PTPRU: variants seen among roughly 807,000 people sequenced by gnomAD.
PTPRU encodes receptor-type tyrosine-protein phosphatase U.
In PTPRU, 69 loss-of-function variants were observed where a neutral mutation model predicts 166.3. That is an observed-to-expected ratio of 0.41 (90% confidence interval 0.34 to 0.51). The LOEUF is 0.51. Ranked by LOEUF, PTPRU falls within the 20% of genes least tolerant of loss-of-function variation. The probability of loss-of-function intolerance (pLI) is 0.09; values close to 1 mark genes in which losing one functional copy is unlikely to be tolerated. For synonymous variants in PTPRU, 793 were observed against 814.0 expected (o/e 0.97, Z 0.44); for missense variants, 1,657 against 2,013.7 (o/e 0.82, Z 3.39).
chr1:29,284,089 C>G lies in PTPRU; in HGVS notation c.2179+113C>G, dbSNP rs554345620. On this transcript the variant is annotated intron_variant, in intron 13 of 29. Transcript: ENST00000373779. ...GTGGGAGTAGAGGAGGGTGGTTGGG[C>G]AGTCCTGGGGCCAGGAGGGGCTTCC... 2.3e-5 allele frequency: 31 copies of G among 1,361,586 alleles called. No individual in the cohort carries two copies. In the South Asian group the frequency reaches 3.7e-4, roughly 16 times the overall value. The allele number at this position is 1,361,586 out of a possible 1,614,324, so 84.3% of individuals were successfully genotyped here.
At position 29,312,650 on chromosome 1, in the gene PTPRU, C is replaced by T. The variant is rs773671335; in HGVS notation, c.3171C>T (p.Ile1057=). 5 of 1,611,846 alleles carry T rather than the reference C, an allele frequency of 3.1e-6. No individual in the cohort carries two copies. The highest frequency in any genetic ancestry group is 1.3e-5 in the African/African-American group (1 of 74,900). The part of the protein sequence containing the change: ...PYHATGLLAF[I]RRVKASTPPD... Reference sequence around the variant, plus strand: ...ATGCCACGGGGCTGCTGGCTTTCATCCGGCGCGTGAAGGCCTCCACCCCAC... The same window carrying T: ...ATGCCACGGGGCTGCTGGCTTTCATTCGGCGCGTGAAGGCCTCCACCCCAC... Residue 1057 remains isoleucine, a synonymous_variant, in exon 22 of 30, where the codon ATC becomes ATT. Coordinates refer to ENST00000373779, the MANE Select transcript of PTPRU (RefSeq NM_133178.4).
At chr1:29,304,708 C>A in intron 16 of PTPRU, 66 bp from the exon 17 acceptor site, 2 of 1,302,522 alleles carry the variant, frequency 1.5e-6, no homozygotes, top group South Asian at 1.3e-5. Flanking sequence ...ATCATCCCCA[C>A]TGAGGGGAAG....
At chr1:29,296,059 CAGTT>C (rs1686868568) in intron 15 of PTPRU, among the ~76,000 whole-genome samples, 1 of 152,166 alleles carries the variant, frequency 6.6e-6, no homozygotes, top group African/African-American at 2.4e-5. Flanking sequence ...GCTTTCTGAG[CAGTT>C]AAAGGATCTG....
chr1:29,291,835 A>G lies in PTPRU; in HGVS notation c.2319-34A>G. ...CTCTGGGTGCTGTCCAGCCCCACAC[A>G]ATGCCTGTGTCTCCCCTCAACCCCC... On this transcript the variant is annotated intron_variant, in intron 14 of 29. Coordinates refer to ENST00000373779, the MANE Select transcript of PTPRU (RefSeq NM_133178.4). The surrounding 1 kb of genome is among the most constrained non-coding windows in gnomAD (Gnocchi z 4.1). 1.2e-6 allele frequency: 2 copies of G among 1,610,080 alleles called. No individual in the cohort carries two copies. The highest frequency in any genetic ancestry group is 1.7e-6 in the Non-Finnish European group (2 of 1,177,904).
chr1:29,304,967 T>G (rs1274834706), intron 17 of PTPRU, 118 bp downstream of exon 17: 1 of 852,840 alleles, frequency 1.2e-6, no homozygotes, highest in African/African-American at 1.7e-5. Flanking sequence ...TGGCCACCTT[T>G]TATTGAGGGC....
chr1:29,312,651 C>T lies in PTPRU; in HGVS notation c.3172C>T (p.Arg1058Trp), dbSNP rs774239929. The T allele has an allele frequency of 5.6e-6, 9 of 1,611,788 alleles. No individual in the cohort carries two copies. The highest frequency in any genetic ancestry group is 6.8e-6 in the Non-Finnish European group (8 of 1,178,566). ...YHATGLLAFI[R>W]RVKASTPPDA... ...TGCCACGGGGCTGCTGGCTTTCATCCGGCGCGTGAAGGCCTCCACCCCACC... is the reference window on the plus strand; with the variant it reads ...TGCCACGGGGCTGCTGGCTTTCATCTGGCGCGTGAAGGCCTCCACCCCACC... The change falls in exon 22 of 30, where the codon CGG (arginine) becomes TGG (tryptophan). Residue 1058 changes from arginine (R) to tryptophan (W), a missense_variant. Around this residue, in one of 3 missense-constraint regions of PTPRU, gnomAD observed 1,190 missense variants for 1,477.4 expected, o/e 0.81. Coordinates refer to ENST00000373779, the MANE Select transcript of PTPRU (RefSeq NM_133178.4).
intron 16 of PTPRU, 118 bp downstream of exon 16, chr1:29,304,163 A>G: frequency 8.3e-7 from 1 of 1,205,092 alleles, no homozygotes; most frequent in Non-Finnish European, 1.1e-6. Flanking sequence ...CTGCTCTGAC[A>G]GTTTCCAACT....
In PTPRU at chr1:29,320,602, T is replaced by C. The variant is rs1481803602; in HGVS notation, c.3688-83T>C. ...CAACCGTCCAACTCAGGGTGGGCAG[T>C]GCGGGAAGACAGCCTGGGGCAGAGG... is the stretch of plus-strand genomic sequence containing the variant. On this transcript the variant is annotated intron_variant, in intron 25 of 29. Coordinates refer to ENST00000373779, the MANE Select transcript of PTPRU (RefSeq NM_133178.4). This position sits in a 1 kb window ranked among gnomAD's most constrained non-coding sequence, Gnocchi z 5.2. 1.4e-6 allele frequency: 2 copies of C among 1,427,922 alleles called. No homozygotes were observed. Among genetic ancestry groups the C allele is most frequent in the Admixed American group, 2.3e-5 (1 of 42,812 alleles). 88.5% of individuals were successfully genotyped at this position (1,427,922 alleles called of 1,614,324 possible). A position where few individuals can be genotyped will look rare whatever the true frequency, so the allele number is the denominator to read the frequency against.
At chr1:29,261,987 A>G (rs1685086283) in intron 7 of PTPRU, among the ~76,000 whole-genome samples, 1 of 152,232 alleles carries the variant, frequency 6.6e-6, no homozygotes, top group Non-Finnish European at 1.5e-5. Flanking sequence ...AGATATTCAC[A>G]TTGATACAAA....
chr1:29,308,585 A>AAAAAAAG (rs1003417351), intron 18 of PTPRU, among the ~76,000 whole-genome samples: 2 of 150,502 alleles, frequency 1.3e-5, no homozygotes, highest in East Asian at 1.9e-4. Flanking sequence ...AAAAAAAAAA[A>AAAAAAAG]AGAGAGAGAG....
chr1:29,323,328 G>A (rs1227104427), intron 26 of PTPRU, 43 bp from the exon 27 acceptor site: 24 of 1,589,184 alleles, frequency 1.5e-5, no homozygotes, highest in African/African-American at 8.1e-5. Flanking sequence ...GTGAGCCCCG[G>A]CCAGGCTCTA....
Position 29,279,345 on chromosome 1 carries a change from C to T in PTPRU, c.1564-111C>T. 1 of 1,264,012 alleles carries T rather than the reference C, an allele frequency of 7.9e-7. No homozygotes were observed. The allele number at this position is 1,264,012 out of a possible 1,614,324, so 78.3% of individuals were successfully genotyped here. A position where few individuals can be genotyped will look rare whatever the true frequency, so the allele number is the denominator to read the frequency against. ...AGCCTGGCTTGATGGCATCCATAGT[C>T]TCCTTTGCTTAGCCTTATCTCTCAC... On this transcript the variant is annotated intron_variant, in intron 9 of 29. Transcript: ENST00000373779. This position sits in a 1 kb window ranked among gnomAD's most constrained non-coding sequence, Gnocchi z 5.2.
intron 24 of PTPRU, among the ~76,000 whole-genome samples, chr1:29,316,566 C>T (rs931490287): frequency 2.6e-5 from 4 of 152,160 alleles, no homozygotes; most frequent in South Asian, 2.1e-4. Context: ...GTCTGAGGAT[C>T]GTGCAGCTTC....
intron 18 of PTPRU, among the ~76,000 whole-genome samples, chr1:29,306,000 C>T (rs374693294): frequency 6.6e-6 from 1 of 152,238 alleles, no homozygotes; most frequent in East Asian, 1.9e-4. Flanking sequence ...AGCACCATGA[C>T]CTCACTTTAC....
chr1:29,259,525 C>T lies in PTPRU; in HGVS notation c.636C>T (p.Ala212=), dbSNP rs200141717. 81 of 1,411,504 alleles carry T rather than the reference C, an allele frequency of 5.7e-5. 1 individual carries two copies. The Middle Eastern group carries it at 1.0e-3, about 18-fold the overall frequency. The allele number at this position is 1,411,504 out of a possible 1,614,324, so 87.4% of individuals were successfully genotyped here. Residue 212 remains alanine (A), a synonymous_variant, in exon 5 of 30, where the codon GCC becomes GCT. Transcript: ENST00000373779. ...AGAACGCGTCGTTCCAGTGCATGGC[C>T]GCGGGCAGAGCGGCCGAGGCCGAAC... ...AGQNASFQCM[A]AGRAAEAERF... is the part of the protein sequence containing the mutation.
intron 7 of PTPRU, among the ~76,000 whole-genome samples, chr1:29,268,110 A>G (rs529801773): frequency 6.6e-6 from 1 of 152,334 alleles, no homozygotes; most frequent in Non-Finnish European, 1.5e-5. Flanking sequence ...CGTGGGTGTC[A>G]TAGATCAGGA....
intron 7 of PTPRU, among the ~76,000 whole-genome samples, chr1:29,269,770 C>T (rs954947361): frequency 6.6e-6 from 1 of 152,150 alleles, no homozygotes; most frequent in South Asian, 2.1e-4. Flanking sequence ...ATCATCCTAG[C>T]CCAACAGCTG....
At chr1:29,242,318 A>C (rs1162555984) in intron 1 of PTPRU, among the ~76,000 whole-genome samples, 1 of 152,120 alleles carries the variant, frequency 6.6e-6, no homozygotes, top group Admixed American at 6.5e-5. Flanking sequence ...GGCTGTACCC[A>C]ACTCAACCTC....
rs956573834 is a variant in PTPRU, at chr1:29,280,162, G to T, written c.1868+21G>T. On this transcript the variant is annotated intron_variant, in intron 11 of 29. Coordinates refer to ENST00000373779, the MANE Select transcript of PTPRU (RefSeq NM_133178.4). This position sits in a 1 kb window ranked among gnomAD's most constrained non-coding sequence, Gnocchi z 4.2. ...ATCAGGTGGGAAAGCGGGGACGGAG[G>T]GGTGGGAGTCCAGGGCCTTAGGAAA... 6.3e-7 allele frequency: 1 copy of T among 1,585,450 alleles called. No homozygotes were observed. The highest frequency in any genetic ancestry group is 1.7e-5 in the Admixed American group (1 of 59,944).
Sources: gnomAD v4.1 joint callset for allele counts (sites outside exome capture counted in the v4.1 genomes callset) on GRCh38, gnomAD v4.1.1 for gene constraint, gnomAD v4.1.1 regional missense constraint, Gnocchi (gnomAD v3.1) non-coding constraint, MANE v1.5 for transcripts, NCBI Gene and HGNC (gene_info 2026-07-23, HGNC 2026-07-21) for gene names.